The following ZFHX3 variants were observed in gnomAD, a reference collection of about 807,000 sequenced individuals.
ZFHX3 encodes the protein zinc finger homeobox 3.
A neutral mutation model predicts 279.1 loss-of-function variants in ZFHX3; 42 were observed. The observed-to-expected ratio is 0.15, with a 90% CI of 0.12 to 0.19. The LOEUF is 0.19. Among genes scored for constraint, ZFHX3 ranks in the 10% least tolerant of loss-of-function variants. The probability of loss-of-function intolerance (pLI) is 1.00; values close to 1 mark genes in which losing one functional copy is unlikely to be tolerated. For missense variants in ZFHX3, 4,981 were observed against 4,754.0 expected, an observed-to-expected ratio of 1.05 and a Z score of -1.40; for synonymous variants, 2,293 against 1,957.8, an observed-to-expected ratio of 1.17 and a Z score of -4.52.
At chr16:73,642,074 A>C (rs1489017565) in intron 2 of ZFHX3, among the ~76,000 whole-genome samples, 1 of 152,106 alleles carries the variant, frequency 6.6e-6, no homozygotes, top group Non-Finnish European at 1.5e-5. Context: ...CAGCTGCTTA[A>C]AGAGGGAAGG....
rs1555510772 is a variant in ZFHX3, at chr16:73,334,810, C to CCTTTTTTTTTTTTT, written c.-1290-16475_-1290-16474insAAAAAAAAAAAAAG. ...TCTTTTCCTCCTTTTCTTTCTCATT[C>CCTTTTTTTTTTTTT]TTTTTTTTTTTTTTTTTTTTTTTTT... On this transcript the variant is annotated intron_variant, in intron 3 of 17. Coordinates refer to the ZFHX3 transcript ENST00000641206. Among the ~76,000 whole-genome samples the CCTTTTTTTTTTTTT allele has an allele frequency of 3.3e-4, 19 of 57,858 alleles. 5 individuals are homozygous for CCTTTTTTTTTTTTT. Among genetic ancestry groups the CCTTTTTTTTTTTTT allele is most frequent in the African/African-American group, 1.0e-3 (18 of 17,328 alleles). The allele number at this position is 57,858 out of a possible 152,430, so 38.0% of individuals were successfully genotyped here.
intron 1 of ZFHX3, among the ~76,000 whole-genome samples, chr16:73,780,204 G>A (rs1252170358): frequency 5.3e-5 from 7 of 132,100 alleles, no homozygotes; most frequent in Non-Finnish European, 9.2e-5. Context: ...TGCAGGTGCA[G>A]TGGTGCGATC....
chr16:73,809,344 C>T (rs1960367750), intron 1 of ZFHX3: 2 of 152,142 alleles, frequency 1.3e-5, no homozygotes, highest in African/African-American at 4.8e-5. Flanking sequence ...TGCACCTGAC[C>T]CAGGGAGGTG....
chr16:73,749,531 A>G (rs1261144933), intron 1 of ZFHX3, among the ~76,000 whole-genome samples: 2 of 152,116 alleles, frequency 1.3e-5, no homozygotes, highest in Non-Finnish European at 2.9e-5. Context: ...CTTCATCTCT[A>G]TTTTTTTGTT....
intron 2 of ZFHX3, among the ~76,000 whole-genome samples, chr16:73,568,026 C>T (rs1023796677): frequency 7.9e-5 from 12 of 152,142 alleles, no homozygotes; most frequent in African/African-American, 2.2e-4. Context: ...CCTCAAATTA[C>T]GTTCTTCAAC....
intron 3 of ZFHX3, among the ~76,000 whole-genome samples, chr16:73,424,449 C>G (rs552818956): frequency 2.6e-5 from 4 of 152,240 alleles, no homozygotes; most frequent in Admixed American, 2.6e-4. Context: ...TATGTACTCA[C>G]AAGCAGAGCA....
chr16:73,034,625 G>A (rs1964834928), intron 1 of ZFHX3, among the ~76,000 whole-genome samples: 1 of 152,202 alleles, frequency 6.6e-6, no homozygotes, highest in East Asian at 1.9e-4. Flanking sequence ...CTGCAGCCCT[G>A]TCTGTGATTT....
chr16:73,423,235 G>A lies in ZFHX3; in HGVS notation c.-1291+32768C>T, dbSNP rs200974764. Among the ~76,000 whole-genome samples, 6 of 151,068 alleles carry A rather than the reference G, an allele frequency of 4.0e-5. No individual in the cohort carries two copies. In the East Asian group the frequency reaches 5.8e-4, roughly 15 times the overall value. On this transcript the variant is annotated intron_variant, in intron 3 of 17. Transcript: ENST00000641206. ...CCTTTGTTATTCAAGAGCTGTTAGG[G>A]AAAAAAAAATCAGAATTCCTTCAAT... is the stretch of plus-strand genomic sequence containing the variant.
chr16:73,471,454 G>T (rs1296045545), intron 2 of ZFHX3, among the ~76,000 whole-genome samples: 1 of 151,830 alleles, frequency 6.6e-6, no homozygotes, highest in East Asian at 1.9e-4. Context: ...TGTCGCCCAG[G>T]CTGAAGTGCA....
chr16:72,890,107 G>T, intron 3 of ZFHX3, 145 bp from the exon 4 acceptor site: 1 of 708,722 alleles, frequency 1.4e-6, no homozygotes, highest in South Asian at 1.9e-5. Flanking sequence ...CTTTGATATG[G>T]TTTGGCTGTG....
chr16:73,429,062 C>A (rs1167116684), intron 3 of ZFHX3, among the ~76,000 whole-genome samples: 1 of 152,122 alleles, frequency 6.6e-6, no homozygotes, highest in South Asian at 2.1e-4. Flanking sequence ...AGAGGAAAAC[C>A]CTTAGCATGG....
intron 4 of ZFHX3, among the ~76,000 whole-genome samples, chr16:72,848,882 G>A (rs1434053087): frequency 6.6e-6 from 1 of 151,156 alleles, no homozygotes; most frequent in Non-Finnish European, 1.5e-5. Context: ...GCTGGAGCTG[G>A]CGAGCTGCAC....
intron 2 of ZFHX3, among the ~76,000 whole-genome samples, chr16:73,647,181 T>G (rs1279868667): frequency 6.6e-6 from 1 of 151,972 alleles, no homozygotes; most frequent in Admixed American, 6.6e-5. Context: ...GGCAGCTAAT[T>G]TTTTGTATTT....
At chr16:73,608,341 T>C (rs545991682) in intron 2 of ZFHX3, among the ~76,000 whole-genome samples, 3 of 152,166 alleles carry the variant, frequency 2.0e-5, no homozygotes, top group Admixed American at 6.5e-5. Flanking sequence ...ACAGTGTACA[T>C]AAGAGATTCT....
At chr16:72,962,284 C>A (rs1487287027) in intron 1 of ZFHX3, among the ~76,000 whole-genome samples, 1 of 152,222 alleles carries the variant, frequency 6.6e-6, no homozygotes, top group African/African-American at 2.4e-5. Flanking sequence ...AATTGGTGGG[C>A]TTCTCTTGCT....
At chr16:73,601,414 G>A (rs12931675) in intron 2 of ZFHX3, among the ~76,000 whole-genome samples, 81,295 of 149,548 alleles carry the variant, frequency 0.54, 25,275 homozygotes, top group East Asian at 0.79. Flanking sequence ...AGGTTGCAGT[G>A]AGCCGAGATC....
chr16:73,649,859 G>T (rs1009903152), intron 2 of ZFHX3, among the ~76,000 whole-genome samples: 1 of 152,146 alleles, frequency 6.6e-6, no homozygotes, highest in African/African-American at 2.4e-5. Flanking sequence ...GAATCAAAAG[G>T]GTAGCTAGAG....
intron 1 of ZFHX3, among the ~76,000 whole-genome samples, chr16:73,022,807 A>G (rs1162034460): frequency 6.6e-6 from 1 of 152,124 alleles, no homozygotes; most frequent in African/African-American, 2.4e-5. Context: ...TCCTTCCACA[A>G]GGGGCAGTCA....
chr16:73,648,854 A>C (rs1042914875), intron 2 of ZFHX3, among the ~76,000 whole-genome samples: 1 of 152,212 alleles, frequency 6.6e-6, no homozygotes, highest in Non-Finnish European at 1.5e-5. Context: ...TTTTCCTTCA[A>C]AATCACTTCC....
Sources: allele counts gnomAD v4.1 joint callset (sites outside exome capture counted in the v4.1 genomes callset), GRCh38; gene constraint gnomAD v4.1.1; transcripts MANE v1.5; gene names NCBI Gene and HGNC (gene_info 2026-07-23, HGNC 2026-07-21).